The following TAF2 variants were observed in gnomAD, a reference collection of about 807,000 sequenced individuals.
TAF2 encodes transcription initiation factor TFIID subunit 2.
Under a neutral mutation model 138.5 loss-of-function variants are expected in TAF2, and 61 were observed. The ratio of observed to expected loss-of-function variants is 0.44; its 90% CI spans 0.36 to 0.54. The LOEUF is 0.54. Among genes scored for constraint, TAF2 ranks in the 20% least tolerant of loss-of-function variants. The probability of loss-of-function intolerance (pLI) is 0.00; values close to 1 mark genes in which losing one functional copy is unlikely to be tolerated. For synonymous variants in TAF2, 475 were observed against 469.9 expected (o/e 1.01, Z -0.14); for missense variants, 1,090 against 1,427.9 (o/e 0.76, Z 3.81).
In TAF2 at chr8:119,746,780, T is replaced by C. The variant is rs1048864784; in HGVS notation, c.3033A>G (p.Pro1011=). The part of the protein sequence containing the change: ...KKAVLNPTII[P]ESVAGNQEAA... ...CTTCTTGGTTGCCTGCTACTGACTC[T>C]GGAATTATGGTAGGATTCAAGACAG... The change falls in exon 23 of 26, where the codon CCA becomes CCG. Residue 1011 remains proline (P), a synonymous_variant. Transcript: ENST00000378164. 3 of 1,614,184 alleles carry C rather than the reference T, an allele frequency of 1.9e-6. No individual in the cohort carries two copies. The highest frequency in any genetic ancestry group is 2.7e-5 in the African/African-American group (2 of 75,064).
intron 6 of TAF2, among the ~76,000 whole-genome samples, chr8:119,799,918 T>A (rs1397949878): frequency 2.0e-5 from 3 of 152,260 alleles, no homozygotes; most frequent in Admixed American, 2.0e-4. Flanking sequence ...ATGAGCATTT[T>A]TTCATGTGTC....
In TAF2 at chr8:119,793,430, A is replaced by G; in HGVS notation, c.1213T>C (p.Tyr405His). 2 of 1,612,930 alleles carry G rather than the reference A, an allele frequency of 1.2e-6. No individual in the cohort carries two copies. The change falls in exon 10 of 26, where the codon TAT becomes CAT. Residue 405 changes from tyrosine to histidine, a missense_variant. This residue lies in a region of TAF2 where 504 missense variants were observed against 680.9 expected (regional missense o/e 0.74). Transcript: ENST00000378164. ...AAAACCCCACCAGTTTTTAGTTCATATGCCACTATTTTGTCTAGCTCCTAA... is the reference window on the plus strand; with the variant it reads ...AAAACCCCACCAGTTTTTAGTTCATGTGCCACTATTTTGTCTAGCTCCTAA... ...IKEELDKIVA[Y>H]ELKTGGVLLH...
chr8:119,784,331 G>A lies in TAF2; in HGVS notation c.1860-698C>T, dbSNP rs914408002. Among the ~76,000 whole-genome samples the A allele has an allele frequency of 2.0e-5, 3 of 152,232 alleles. No homozygotes were observed. In the South Asian group the frequency reaches 6.2e-4, roughly 32 times the overall value. ...GCACTTTCGGAGGTTGAGGCGGGTG[G>A]ATCACTTGAGGTCAGGGGTTCAAGA... On this transcript the variant is annotated intron_variant, in intron 15 of 25. Coordinates refer to ENST00000378164, the MANE Select transcript of TAF2 (RefSeq NM_003184.4).
chr8:119,790,506 G>A lies in TAF2; in HGVS notation c.1414-760C>T, dbSNP rs149301655. ...AAGATTAAAGAAACTGAACTTTACA[G>A]CAAACTTAAAATGCTTTAAAAAAAG... On this transcript the variant is annotated intron_variant, in intron 11 of 25. Transcript: ENST00000378164. 2.4e-3 allele frequency among the ~76,000 whole-genome samples: 364 copies of A among 151,846 alleles called. 1 individual carries two copies. The highest frequency in any genetic ancestry group is 8.1e-3 in the African/African-American group (336 of 41,444).
At chr8:119,821,875 T>C (rs370433652) in intron 2 of TAF2, among the ~76,000 whole-genome samples, 1 of 152,146 alleles carries the variant, frequency 6.6e-6, no homozygotes, top group South Asian at 2.1e-4. Context: ...TATCTGTACA[T>C]AAACTATTAA....
intron 21 of TAF2, among the ~76,000 whole-genome samples, chr8:119,756,762 C>T (rs895122437): frequency 6.6e-6 from 1 of 152,064 alleles, no homozygotes; most frequent in African/African-American, 2.4e-5. Context: ...CAGAGGCTAC[C>T]TGAACATATT....
Position 119,800,497 on chromosome 8 carries a change from G to A in TAF2, c.792+1297C>T, listed in dbSNP as rs372951278. ...CTGAGGCCTCTGTTCTGTTCCATTG[G>A]TCTATATCTCTGTTTTGGTACCAGT... On this transcript the variant is annotated intron_variant, in intron 6 of 25. Transcript: ENST00000378164. 7.9e-5 allele frequency among the ~76,000 whole-genome samples: 12 copies of A among 152,202 alleles called. No individual in the cohort carries two copies. The East Asian group carries it at 2.1e-3, about 27-fold the overall frequency.
chr8:119,791,498 T>G (rs1310698454), intron 10 of TAF2, 39 bp from the exon 11 acceptor site: 52 of 1,592,956 alleles, frequency 3.3e-5, no homozygotes, highest in Non-Finnish European at 4.4e-5. Context: ...ACAGCAAATG[T>G]GACTATTAAA....
chr8:119,803,888 T>G lies in TAF2; in HGVS notation c.550A>C (p.Asn184His), dbSNP rs1428655929. 1.2e-6 allele frequency: 2 copies of G among 1,613,282 alleles called. No homozygotes were observed. The highest frequency in any genetic ancestry group is 2.2e-5 in the East Asian group (1 of 44,844). ...GAHVFSCGYQNSTRFWFPCVD... is the reference protein window; with the variant it reads ...GAHVFSCGYQHSTRFWFPCVD... ...GAATCTATAATCTACCTTGTAGAATTTTGATACCCACAAGAGAAAACATGA... is the reference window on the plus strand; with the variant it reads ...GAATCTATAATCTACCTTGTAGAATGTTGATACCCACAAGAGAAAACATGA... The change falls in exon 5 of 26, where the codon AAT becomes CAT. Residue 184 changes from asparagine to histidine, a missense_variant. By Grantham distance (68) the Asn-to-His change is moderately conservative (BLOSUM62 1). Transcript: ENST00000378164.
chr8:119,783,654 C>A (rs1822826634), intron 15 of TAF2, 21 bp from the exon 16 acceptor site: 19 of 1,604,152 alleles, frequency 1.2e-5, no homozygotes, highest in Non-Finnish European at 1.5e-5. Flanking sequence ...ATACAATTTT[C>A]TTTTTAATTT....
At chr8:119,758,717 A>G (rs1195540914) in intron 20 of TAF2, among the ~76,000 whole-genome samples, 1 of 152,162 alleles carries the variant, frequency 6.6e-6, no homozygotes, top group Non-Finnish European at 1.5e-5. Context: ...TTTTACTTTC[A>G]TAATTTGAAA....
intron 18 of TAF2, among the ~76,000 whole-genome samples, chr8:119,765,692 T>A (rs1821373769): frequency 6.6e-6 from 1 of 152,152 alleles, no homozygotes; most frequent in East Asian, 1.9e-4. Flanking sequence ...GTGAGCTCCA[T>A]CACAAAGATT....
At position 119,731,907 on chromosome 8, in the gene TAF2, G is replaced by T. The variant is rs756758058; in HGVS notation, c.*17C>A. On this transcript the variant is annotated 3_prime_UTR_variant, in exon 26 of 26. Coordinates refer to ENST00000378164, the MANE Select transcript of TAF2 (RefSeq NM_003184.4). ...CATTCTTCTGGACATGAAAGGAAAG[G>T]TCTTTTTGTCCCCTTCTCAGTCTGA... 6.2e-7 allele frequency: 1 copy of T among 1,610,600 alleles called. No homozygotes were observed. Among genetic ancestry groups the T allele is most frequent in the Non-Finnish European group, 8.5e-7 (1 of 1,176,836 alleles).
chr8:119,747,738 C>T (rs1267284795), intron 22 of TAF2, among the ~76,000 whole-genome samples: 1 of 152,156 alleles, frequency 6.6e-6, no homozygotes, highest in Non-Finnish European at 1.5e-5. Flanking sequence ...GCTAGGGTTA[C>T]ACAATCTATA....
At position 119,797,097 on chromosome 8, in the gene TAF2, A is replaced by G. The variant is rs1262430361; in HGVS notation, c.984T>C (p.Asn328=). The G allele has an allele frequency of 6.2e-7, 1 of 1,609,006 alleles. No homozygotes were observed. The highest frequency in any genetic ancestry group is 1.7e-5 in the Admixed American group (1 of 59,954). ...CTATAATCATGGCACTGTGTAAAAG[A>G]TTTGTGCTGGAATTTAAAAGAGAAG... ...AYASMSIFST[N]LLHSAMIIDE... Residue 328 remains asparagine (N), a synonymous_variant, in exon 8 of 26, where the codon AAT becomes AAC. Transcript: ENST00000378164.
At chr8:119,796,353 T>C (rs751859897) in intron 8 of TAF2, among the ~76,000 whole-genome samples, 4 of 152,104 alleles carry the variant, frequency 2.6e-5, no homozygotes, top group South Asian at 2.1e-4. Context: ...ATATATAGTA[T>C]AGAATGTTCA....
Position 119,774,802 on chromosome 8 carries a change from G to A in TAF2, c.2364+3217C>T, listed in dbSNP as rs10110853. Among the ~76,000 whole-genome samples the A allele has an allele frequency of 1.6e-4, 25 of 151,850 alleles. 1 individual carries two copies. Among genetic ancestry groups the A allele is most frequent in the African/African-American group, 5.1e-4 (21 of 41,222 alleles). ...TTCTTGTAGTTATAGTGTTCCATGA[G>A]ATTTGAACCTGGTGTTATTAGAAAG... On this transcript the variant is annotated intron_variant, in intron 18 of 25. Coordinates refer to ENST00000378164, the MANE Select transcript of TAF2 (RefSeq NM_003184.4).
At chr8:119,751,029 A>G (rs1820315106) in intron 22 of TAF2, among the ~76,000 whole-genome samples, 1 of 152,194 alleles carries the variant, frequency 6.6e-6, no homozygotes, top group Non-Finnish European at 1.5e-5. Context: ...ACACTCTATT[A>G]GGCAAGACAA....
chr8:119,739,491 A>T (rs1279966890), intron 25 of TAF2, among the ~76,000 whole-genome samples: 3 of 152,108 alleles, frequency 2.0e-5, no homozygotes, highest in Non-Finnish European at 4.4e-5. Flanking sequence ...AATGCAAGGA[A>T]AGGGAAAACT....
Sources: gnomAD v4.1 joint callset for allele counts (sites outside exome capture counted in the v4.1 genomes callset) on GRCh38, gnomAD v4.1.1 for gene constraint, gnomAD v4.1.1 regional missense constraint, MANE v1.5 for transcripts, NCBI Gene and HGNC (gene_info 2026-07-23, HGNC 2026-07-21) for gene names.